The following SPSB1 variants were observed in gnomAD, a reference collection of about 807,000 sequenced individuals.
SPSB1 encodes the protein SPRY domain-containing SOCS box protein 1.
Under a neutral mutation model 21.2 loss-of-function variants are expected in SPSB1, and 8 were observed. The observed-to-expected ratio is 0.38, with a 90% CI of 0.22 to 0.68. SPSB1 has a LOEUF of 0.68. Ranked by LOEUF, SPSB1 falls within the 30% of genes least tolerant of loss-of-function variation. SPSB1 has a pLI of 0.53. For synonymous variants in SPSB1, 169 were observed against 161.7 expected, an observed-to-expected ratio of 1.05 and a Z score of -0.34; for missense variants, 242 against 377.8, an observed-to-expected ratio of 0.64 and a Z score of 2.98.
intron 1 of SPSB1, among the ~76,000 whole-genome samples, chr1:9,334,190 A>C (rs1454990128): frequency 2.0e-5 from 3 of 151,986 alleles, no homozygotes; most frequent in Non-Finnish European, 4.4e-5. Flanking sequence ...GGCTCAAGCA[A>C]TTCTCCTGCC....
chr1:9,328,509 G>A (rs921166531), intron 1 of SPSB1, among the ~76,000 whole-genome samples: 1 of 152,240 alleles, frequency 6.6e-6, no homozygotes, highest in African/African-American at 2.4e-5. Flanking sequence ...CACTTCGGGG[G>A]AAGAGCTGAT....
At chr1:9,339,734 C>A (rs1348649972) in intron 1 of SPSB1, among the ~76,000 whole-genome samples, 3 of 152,104 alleles carry the variant, frequency 2.0e-5, no homozygotes, top group African/African-American at 7.2e-5. Context: ...TCTTCCCAGA[C>A]CCCGAGTGAC....
Position 9,356,634 on chromosome 1 carries a change from T to C in SPSB1, c.694+49T>C, listed in dbSNP as rs764821197. 3.5e-5 allele frequency: 53 copies of C among 1,535,784 alleles called. No homozygotes were observed. The highest frequency in any genetic ancestry group is 3.5e-4 in the Middle Eastern group (2 of 5,708). On this transcript the variant is annotated intron_variant, in intron 2 of 2. Coordinates refer to ENST00000328089, the MANE Select transcript of SPSB1 (RefSeq NM_025106.4). This position sits in a 1 kb window ranked among gnomAD's most constrained non-coding sequence, Gnocchi z 7.4. ...AGGCAATGCCCTCCCTCAGTCCCCATGGTCCTGGCTGGGCTCAGGCCAAAA... is the reference window on the plus strand; with the variant it reads ...AGGCAATGCCCTCCCTCAGTCCCCACGGTCCTGGCTGGGCTCAGGCCAAAA...
intron 1 of SPSB1, among the ~76,000 whole-genome samples, chr1:9,314,036 T>G (rs1639567308): frequency 6.6e-6 from 1 of 151,818 alleles, no homozygotes; most frequent in African/African-American, 2.4e-5. Context: ...ATTAGCCAGG[T>G]GTGGCGGCGG....
chr1:9,360,397 C>T (rs1640449342), intron 2 of SPSB1, among the ~76,000 whole-genome samples: 1 of 152,170 alleles, frequency 6.6e-6, no homozygotes, highest in Non-Finnish European at 1.5e-5. Context: ...CGGGAGGAGC[C>T]TGATGGAGTG....
intron 1 of SPSB1, among the ~76,000 whole-genome samples, chr1:9,308,984 A>T (rs1285786223): frequency 6.6e-6 from 1 of 151,974 alleles, no homozygotes; most frequent in Admixed American, 6.6e-5. Context: ...CTGGGCGGGC[A>T]CCAGGCCTGC....
At chr1:9,298,309 A>G (rs1373569823) in intron 1 of SPSB1, among the ~76,000 whole-genome samples, 1 of 152,270 alleles carries the variant, frequency 6.6e-6, no homozygotes, top group Non-Finnish European at 1.5e-5. Flanking sequence ...TAATTAAAAC[A>G]GAAAATCACA....
chr1:9,308,727 G>A (rs1267159823), intron 1 of SPSB1, among the ~76,000 whole-genome samples: 1 of 152,224 alleles, frequency 6.6e-6, no homozygotes, highest in African/African-American at 2.4e-5. Flanking sequence ...AGATGAGAAA[G>A]GAGGACTTTT....
chr1:9,330,243 G>A (rs948061075), intron 1 of SPSB1, among the ~76,000 whole-genome samples: 5 of 152,168 alleles, frequency 3.3e-5, no homozygotes, highest in Non-Finnish European at 7.3e-5. Context: ...TGAGGCGGGC[G>A]GATCACCTGA....
chr1:9,335,763 G>A (rs563650328), intron 1 of SPSB1, among the ~76,000 whole-genome samples: 10 of 150,400 alleles, frequency 6.6e-5, no homozygotes, highest in South Asian at 2.1e-4. Context: ...AGCCATGATC[G>A]TGCCACTGCA....
chr1:9,320,016 T>G (rs994725695), intron 1 of SPSB1, among the ~76,000 whole-genome samples: 3 of 151,494 alleles, frequency 2.0e-5, no homozygotes, highest in African/African-American at 7.3e-5. Flanking sequence ...TGGAGGGGAG[T>G]CTGTGCTTCG....
chr1:9,339,909 T>C (rs1212162495), intron 1 of SPSB1, among the ~76,000 whole-genome samples: 1 of 152,162 alleles, frequency 6.6e-6, no homozygotes, highest in Non-Finnish European at 1.5e-5. Flanking sequence ...ATTTTAGGAT[T>C]GGCTTGGAGA....
chr1:9,316,826 C>T (rs528003836), intron 1 of SPSB1, among the ~76,000 whole-genome samples: 45 of 152,308 alleles, frequency 3.0e-4, no homozygotes, highest in Admixed American at 9.8e-4. Flanking sequence ...CTTTCCACCT[C>T]GGTTCTCCCT....
chr1:9,356,619 C>T lies in SPSB1; in HGVS notation c.694+34C>T. The T allele has an allele frequency of 6.4e-7, 1 of 1,555,306 alleles. No individual in the cohort carries two copies. The highest frequency in any genetic ancestry group is 1.2e-5 in the South Asian group (1 of 80,934). ...CTCCTCTGCTGTCAGAGGCAATGCC[C>T]TCCCTCAGTCCCCATGGTCCTGGCT... On this transcript the variant is annotated intron_variant, in intron 2 of 2. Coordinates refer to ENST00000328089, the MANE Select transcript of SPSB1 (RefSeq NM_025106.4). The surrounding 1 kb of genome is among the most constrained non-coding windows in gnomAD (Gnocchi z 7.4).
chr1:9,351,731 G>A (rs1640262453), intron 1 of SPSB1: 1 of 152,426 alleles, frequency 6.6e-6, no homozygotes, highest in African/African-American at 2.4e-5. Context: ...GAGGTGGCTA[G>A]GTGTGAACAA....
intron 1 of SPSB1, among the ~76,000 whole-genome samples, chr1:9,333,328 CTTTTTTT>C (rs33924371): frequency 1.6e-5 from 2 of 126,518 alleles, no homozygotes; most frequent in African/African-American, 6.0e-5. Flanking sequence ...TTGTCAGCTT[CTTTTTTT>C]TTTTTTTTTT....
chr1:9,298,213 A>G (rs1455546888), intron 1 of SPSB1, among the ~76,000 whole-genome samples: 1 of 152,238 alleles, frequency 6.6e-6, no homozygotes, highest in African/African-American at 2.4e-5. Flanking sequence ...CTTATAAGTT[A>G]CTTGATTCTT....
intron 1 of SPSB1, among the ~76,000 whole-genome samples, chr1:9,304,561 AG>A (rs1426211005): frequency 1.3e-5 from 2 of 152,198 alleles, no homozygotes; most frequent in African/African-American, 4.8e-5. Context: ...GGCATCTCCA[AG>A]GTGGCATGGG....
At chr1:9,350,656 C>T (rs1640241592) in intron 1 of SPSB1, among the ~76,000 whole-genome samples, 1 of 152,192 alleles carries the variant, frequency 6.6e-6, no homozygotes, top group South Asian at 2.1e-4. Context: ...CCACATCTGT[C>T]CTCTGCTCTC....
Sources: allele counts gnomAD v4.1 joint callset (sites outside exome capture counted in the v4.1 genomes callset), GRCh38; gene constraint gnomAD v4.1.1; non-coding constraint Gnocchi (gnomAD v3.1); transcripts MANE v1.5; gene names NCBI Gene and HGNC (gene_info 2026-07-23, HGNC 2026-07-21).